The following WWOX variants were observed in gnomAD, a reference collection of about 807,000 sequenced individuals.
WWOX encodes WW domain containing oxidoreductase.
WWOX carries 69 observed loss-of-function variants against 46.2 expected under a neutral mutation model. The ratio of observed to expected loss-of-function variants is 1.49; its 90% CI spans 1.23 to 1.82. WWOX has a LOEUF of 1.82. Among genes scored for constraint, WWOX ranks in the 40% most tolerant of loss-of-function variants. The pLI, the probability that WWOX is intolerant of heterozygous loss-of-function variation, is 0.00. For synonymous variants in WWOX, 359 were observed against 202.6 expected, an observed-to-expected ratio of 1.77 and a Z score of -6.56; for missense variants, 919 against 542.6, an observed-to-expected ratio of 1.69 and a Z score of -6.89.
At chr16:79,058,513 G>T (rs922874636) in intron 8 of WWOX, among the ~76,000 whole-genome samples, 3 of 152,120 alleles carry the variant, frequency 2.0e-5, no homozygotes, top group Non-Finnish European at 4.4e-5. Context: ...AGGAAGGAAG[G>T]AAAGGAGGGA....
intron 8 of WWOX, among the ~76,000 whole-genome samples, chr16:78,800,688 G>A (rs1597632610): frequency 6.6e-6 from 1 of 152,122 alleles, no homozygotes; most frequent in South Asian, 2.1e-4. Context: ...CATTTTAGGG[G>A]GTTCCTGACT....
At chr16:78,434,619 A>T (rs1004491344) in intron 8 of WWOX, among the ~76,000 whole-genome samples, 3 of 152,158 alleles carry the variant, frequency 2.0e-5, no homozygotes, top group Admixed American at 6.5e-5. Flanking sequence ...GTCTTGAGTC[A>T]TCTCACTTGT....
intron 8 of WWOX, among the ~76,000 whole-genome samples, chr16:78,571,465 T>C (rs779006287): frequency 6.6e-6 from 1 of 152,242 alleles, no homozygotes; most frequent in African/African-American, 2.4e-5. Flanking sequence ...GGCATAGGTC[T>C]TGTTTTGCCA....
intron 4 of WWOX, among the ~76,000 whole-genome samples, chr16:78,161,174 A>G (rs2034779994): frequency 6.6e-6 from 1 of 152,140 alleles, no homozygotes; most frequent in African/African-American, 2.4e-5. Flanking sequence ...AATAAGGTAT[A>G]AAACATAATG....
intron 5 of WWOX, among the ~76,000 whole-genome samples, chr16:78,358,342 G>A (rs979964758): frequency 1.7e-4 from 26 of 152,288 alleles, no homozygotes; most frequent in African/African-American, 5.8e-4. Context: ...TGATTGCACA[G>A]TAATAAAGTC....
In WWOX at chr16:78,607,304, G is replaced by A. The variant is rs1043459374; in HGVS notation, c.1056+174552G>A. Reference sequence around the variant, plus strand: ...TATATACAAAATAGTTGTAAGAATCGGGGCTCCTGTGAGTACGTAAATGAA... The same window carrying A: ...TATATACAAAATAGTTGTAAGAATCAGGGCTCCTGTGAGTACGTAAATGAA... On this transcript the variant is annotated intron_variant, in intron 8 of 8. Transcript: ENST00000566780. 3.3e-5 allele frequency among the ~76,000 whole-genome samples: 5 copies of A among 151,772 alleles called. No individual in the cohort carries two copies. The South Asian group carries it at 6.3e-4, about 19-fold the overall frequency.
At chr16:78,422,258 G>A (rs2082951047) in intron 6 of WWOX, among the ~76,000 whole-genome samples, 1 of 152,098 alleles carries the variant, frequency 6.6e-6, no homozygotes, top group African/African-American at 2.4e-5. Flanking sequence ...GAGAGCAGAA[G>A]ATTTTAATTT....
chr16:78,487,652 C>G (rs971937016), intron 8 of WWOX, among the ~76,000 whole-genome samples: 1 of 152,106 alleles, frequency 6.6e-6, no homozygotes, highest in African/African-American at 2.4e-5. Flanking sequence ...AGTAACATCC[C>G]TGACCTCTAG....
intron 6 of WWOX, among the ~76,000 whole-genome samples, chr16:78,390,799 T>C (rs931915502): frequency 5.3e-5 from 8 of 152,198 alleles, no homozygotes; most frequent in African/African-American, 1.9e-4. Context: ...TAAAACATAA[T>C]GACAAATGAA....
intron 6 of WWOX, among the ~76,000 whole-genome samples, chr16:78,417,197 C>G (rs1238818876): frequency 1.3e-5 from 2 of 152,104 alleles, no homozygotes; most frequent in African/African-American, 4.8e-5. Context: ...CTCAGCTTCC[C>G]AAGTAGCTGA....
At chr16:78,996,935 G>T (rs932654195) in intron 8 of WWOX, among the ~76,000 whole-genome samples, 1 of 152,206 alleles carries the variant, frequency 6.6e-6, no homozygotes, top group Non-Finnish European at 1.5e-5. Flanking sequence ...TCAAACACAA[G>T]CATCCTCTCC....
chr16:79,101,666 A>G (rs1039300593), intron 8 of WWOX: 3 of 151,916 alleles, frequency 2.0e-5, no homozygotes, highest in Admixed American at 6.6e-5. Flanking sequence ...AGAAGACGCA[A>G]CAGACAGAAA....
At chr16:78,912,192 C>T in intron 8 of WWOX, among the ~76,000 whole-genome samples, 1 of 151,984 alleles carries the variant, frequency 6.6e-6, no homozygotes, top group East Asian at 1.9e-4. Context: ...AATACTAGCT[C>T]TTATTTATAG....
chr16:78,660,145 C>T (rs1158460223), intron 8 of WWOX, among the ~76,000 whole-genome samples: 1 of 152,140 alleles, frequency 6.6e-6, no homozygotes, highest in African/African-American at 2.4e-5. Context: ...CCTTTCCCAT[C>T]TGTTTACTAT....
At chr16:78,937,617 A>AT (rs1364003093) in intron 8 of WWOX, among the ~76,000 whole-genome samples, 1 of 147,354 alleles carries the variant, frequency 6.8e-6, no homozygotes, top group East Asian at 2.0e-4. Context: ...TTATTTATTT[A>AT]TTTATTTATT....
At chr16:78,503,645 C>T (rs527677988) in intron 8 of WWOX, 1 of 152,230 alleles carries the variant, frequency 6.6e-6, no homozygotes, top group South Asian at 2.1e-4. Flanking sequence ...AAAATATTCA[C>T]AAGGTGCAAA....
At chr16:79,130,367 TAATA>T (rs1043157374) in intron 8 of WWOX, among the ~76,000 whole-genome samples, 11 of 152,308 alleles carry the variant, frequency 7.2e-5, no homozygotes, top group African/African-American at 2.2e-4. Context: ...TTAATACAAC[TAATA>T]AATAGTGCAT....
At chr16:78,764,966 T>G (rs552738838) in intron 8 of WWOX, among the ~76,000 whole-genome samples, 1 of 152,340 alleles carries the variant, frequency 6.6e-6, no homozygotes, top group South Asian at 2.1e-4. Context: ...CAATATTTTT[T>G]GAGCTTTCAG....
intron 8 of WWOX, among the ~76,000 whole-genome samples, chr16:78,905,664 T>G (rs978280368): frequency 2.0e-5 from 3 of 152,212 alleles, no homozygotes; most frequent in African/African-American, 7.2e-5. Flanking sequence ...ATTAGATGCA[T>G]GAGCCACCTG....
Sources: allele counts gnomAD v4.1 joint callset (sites outside exome capture counted in the v4.1 genomes callset), GRCh38; gene constraint gnomAD v4.1.1; transcripts MANE v1.5; gene names NCBI Gene and HGNC (gene_info 2026-07-23, HGNC 2026-07-21).